The following SPATS1 variants were observed in gnomAD, a reference collection of about 807,000 sequenced individuals.
SPATS1 encodes the protein spermatogenesis associated serine rich 1, also known as spermatogenesis-associated serine-rich protein 1.
A neutral mutation model predicts 33.6 loss-of-function variants in SPATS1; 23 were observed. That is an observed-to-expected ratio of 0.68 (90% CI 0.49 to 0.97). SPATS1 has a LOEUF of 0.97. Ranked by LOEUF, SPATS1 falls within the 50% of genes least tolerant of loss-of-function variation. The pLI is 0.00. For synonymous variants in SPATS1, 131 were observed against 125.6 expected, an observed-to-expected ratio of 1.04 and a Z score of -0.29; for missense variants, 327 against 361.0, an observed-to-expected ratio of 0.91 and a Z score of 0.76.
At chr6:44,342,916 A>T in intron 1 of SPATS1, 148 bp downstream of exon 1, 1 of 1,246,298 alleles carries the variant, frequency 8.0e-7, no homozygotes, top group East Asian at 2.7e-5. Context: ...TGGGGCTCCC[A>T]GGGCTTCCAA....
intron 5 of SPATS1, among the ~76,000 whole-genome samples, chr6:44,362,648 G>T (rs1788991629): frequency 6.6e-6 from 1 of 152,164 alleles, no homozygotes; most frequent in South Asian, 2.1e-4. Context: ...GCTGTAGCAG[G>T]AATACAAAGA....
rs1295586387 is a variant in SPATS1, at chr6:44,361,941, A to G, written c.523A>G (p.Arg175Gly). The G allele has an allele frequency of 1.2e-6, 2 of 1,614,246 alleles. No individual in the cohort carries two copies. Among genetic ancestry groups the G allele is most frequent in the Admixed American group, 1.7e-5 (1 of 60,024 alleles). Residue 175 changes from arginine to glycine, a missense_variant, in exon 5 of 9, where the codon AGG becomes GGG. By Grantham distance (125) the Arg-to-Gly change is moderately radical. Transcript: ENST00000674044. ...FFNGVFLGNK[R>G]SLSERTVDKC... ...TAATGGAGTCTTCCTCGGCAACAAGAGGTCTCTATCAGAGAGGACGGTGGA... is the reference window on the plus strand; with the variant it reads ...TAATGGAGTCTTCCTCGGCAACAAGGGGTCTCTATCAGAGAGGACGGTGGA...
intron 7 of SPATS1, among the ~76,000 whole-genome samples, chr6:44,371,102 T>C (rs982783253): frequency 6.6e-6 from 1 of 151,154 alleles, no homozygotes; most frequent in African/African-American, 2.4e-5. Context: ...GAGACCAGCA[T>C]GGGCAACATA....
chr6:44,364,840 C>G (rs917579258), intron 5 of SPATS1, among the ~76,000 whole-genome samples: 1 of 151,228 alleles, frequency 6.6e-6, no homozygotes, highest in African/African-American at 2.4e-5. Flanking sequence ...CTCTGTCACC[C>G]AGGCTGGAGT....
intron 5 of SPATS1, among the ~76,000 whole-genome samples, chr6:44,362,725 G>A (rs1245705106): frequency 6.6e-6 from 1 of 152,174 alleles, no homozygotes; most frequent in South Asian, 2.1e-4. Context: ...GAGACAAATA[G>A]TTTTGAGAAT....
intron 3 of SPATS1, among the ~76,000 whole-genome samples, chr6:44,359,133 A>G (rs550195673): frequency 6.6e-6 from 1 of 151,998 alleles, no homozygotes; most frequent in South Asian, 2.1e-4. Flanking sequence ...GCTAATTAAA[A>G]ATTTTTTTGT....
chr6:44,368,787 C>T (rs189235209), intron 6 of SPATS1, among the ~76,000 whole-genome samples: 14 of 152,108 alleles, frequency 9.2e-5, no homozygotes, highest in African/African-American at 3.4e-4. Context: ...AGATTGTTGG[C>T]CATAGTGACT....
chr6:44,351,122 C>CAAAAAAAAAAAAAA (rs34139961), intron 2 of SPATS1, among the ~76,000 whole-genome samples: 4 of 75,512 alleles, frequency 5.3e-5, no homozygotes, highest in East Asian at 3.5e-4. Flanking sequence ...GACTCTGTGT[C>CAAAAAAAAAAAAAA]AAAAAAAAAA....
At chr6:44,351,676 T>C (rs1020943875) in intron 2 of SPATS1, among the ~76,000 whole-genome samples, 2 of 152,244 alleles carry the variant, frequency 1.3e-5, no homozygotes, top group South Asian at 4.1e-4. Flanking sequence ...ATTAATAGTA[T>C]AGCAGAGTGA....
chr6:44,349,207 G>A (rs1395409216), intron 2 of SPATS1, among the ~76,000 whole-genome samples: 2 of 146,532 alleles, frequency 1.4e-5, no homozygotes, highest in African/African-American at 5.0e-5. Flanking sequence ...GCTGAGGCAG[G>A]AGAATTGCTT....
At chr6:44,348,946 C>A (rs1023938779) in intron 2 of SPATS1, among the ~76,000 whole-genome samples, 2 of 152,198 alleles carry the variant, frequency 1.3e-5, no homozygotes, top group African/African-American at 4.8e-5. Context: ...GCTTGGCCAA[C>A]ATGGTGAAAC....
intron 7 of SPATS1, among the ~76,000 whole-genome samples, 176 bp downstream of exon 7, chr6:44,370,289 G>A (rs1411054852): frequency 6.6e-6 from 1 of 152,162 alleles, no homozygotes; most frequent in Non-Finnish European, 1.5e-5. Flanking sequence ...TGTAGAGTCT[G>A]CAATTGGGAT....
In SPATS1 at chr6:44,370,051, A is replaced by G; in HGVS notation, c.696A>G (p.Ile232Met). The G allele has an allele frequency of 1.2e-6, 2 of 1,610,818 alleles. No individual in the cohort carries two copies. Among genetic ancestry groups the G allele is most frequent in the South Asian group, 1.1e-5 (1 of 90,844 alleles). ...TATGATTGCCTTTTCTGTTTTTCAG[A>G]GTGCCTTATGAAAAGAAATTTGATA... ...GSMLPPVNFS[I>M]VPYEKKFDTF... Residue 232 changes from isoleucine (I) to methionine (M), a missense_variant and splice_region_variant, in exon 7 of 9, where the codon ATA becomes ATG. Transcript: ENST00000674044.
intron 5 of SPATS1, among the ~76,000 whole-genome samples, chr6:44,367,872 A>C (rs1004066354): frequency 1.3e-5 from 2 of 152,110 alleles, no homozygotes; most frequent in African/African-American, 4.8e-5. Context: ...CTGCTGAGTA[A>C]TCTTGCTCTT....
chr6:44,372,520 T>G (rs1188334834), intron 7 of SPATS1, among the ~76,000 whole-genome samples: 1 of 152,108 alleles, frequency 6.6e-6, no homozygotes, highest in African/African-American at 2.4e-5. Context: ...TGGAGTGCAG[T>G]GGCGCAATCT....
chr6:44,347,874 T>G (rs138316530), intron 2 of SPATS1, among the ~76,000 whole-genome samples: 157 of 152,356 alleles, frequency 1.0e-3, no homozygotes, highest in African/African-American at 3.5e-3. Context: ...AGACTACATT[T>G]TATAAATTAT....
intron 7 of SPATS1, among the ~76,000 whole-genome samples, chr6:44,371,582 T>A (rs1789615111): frequency 6.6e-6 from 1 of 152,264 alleles, no homozygotes; most frequent in Non-Finnish European, 1.5e-5. Context: ...GATTCTTTTT[T>A]ATATCTGTTG....
At chr6:44,352,674 G>A (rs1583080451) in intron 2 of SPATS1, 52 bp from the exon 3 acceptor site, 1 of 1,538,044 alleles carries the variant, frequency 6.5e-7, no homozygotes, top group South Asian at 1.1e-5. Context: ...ACAAAATAGG[G>A]TGGAATGTAT....
chr6:44,352,691 T>C (rs748137242), intron 2 of SPATS1, 35 bp from the exon 3 acceptor site: 1 of 1,594,326 alleles, frequency 6.3e-7, no homozygotes, highest in Non-Finnish European at 8.6e-7. Flanking sequence ...GTATTTTCAA[T>C]AATGTAATTA....
Sources: allele counts gnomAD v4.1 joint callset (sites outside exome capture counted in the v4.1 genomes callset), GRCh38; gene constraint gnomAD v4.1.1; transcripts MANE v1.5; gene names NCBI Gene and HGNC (gene_info 2026-07-23, HGNC 2026-07-21).